IGSF21: variants seen among roughly 807,000 people sequenced by gnomAD.
IGSF21 encodes the protein immunoglobulin superfamily member 21.
In IGSF21, 28 loss-of-function variants were observed where a neutral mutation model predicts 46.8. The ratio of observed to expected loss-of-function variants is 0.60; its 90% CI spans 0.44 to 0.82. IGSF21 has a LOEUF of 0.82. Among genes scored for constraint, IGSF21 ranks in the 40% least tolerant of loss-of-function variants. The pLI, the probability that IGSF21 is intolerant of heterozygous loss-of-function variation, is 0.00. For synonymous variants in IGSF21, 284 were observed against 273.6 expected (o/e 1.04, Z -0.38); for missense variants, 624 against 665.5 (o/e 0.94, Z 0.69).
intron 3 of IGSF21, among the ~76,000 whole-genome samples, chr1:18,312,698 T>C (rs897853309): frequency 1.3e-5 from 2 of 152,260 alleles, no homozygotes; most frequent in African/African-American, 2.4e-5. Flanking sequence ...TTTGTGATTA[T>C]ATTAGATCCT....
At chr1:18,119,562 G>A (rs1482257885) in intron 1 of IGSF21, among the ~76,000 whole-genome samples, 1 of 152,220 alleles carries the variant, frequency 6.6e-6, no homozygotes, top group Non-Finnish European at 1.5e-5. Context: ...AAGTAACAAG[G>A]AATCATAGCA....
At chr1:18,298,652 G>A (rs1456753974) in intron 3 of IGSF21, among the ~76,000 whole-genome samples, 2 of 152,236 alleles carry the variant, frequency 1.3e-5, no homozygotes, top group Non-Finnish European at 2.9e-5. Context: ...ATGAAAAAAA[G>A]AGGCTGAGAA....
At chr1:18,282,072 G>A (rs1051923118) in intron 2 of IGSF21, among the ~76,000 whole-genome samples, 1 of 152,142 alleles carries the variant, frequency 6.6e-6, no homozygotes, top group African/African-American at 2.4e-5. Context: ...AGTCAAGGGC[G>A]CTCCTGCTCT....
At chr1:18,198,295 G>A (rs1452880147) in intron 1 of IGSF21, among the ~76,000 whole-genome samples, 1 of 152,146 alleles carries the variant, frequency 6.6e-6, no homozygotes, top group Non-Finnish European at 1.5e-5. Flanking sequence ...AGTAGGACCT[G>A]CCCAAGTCAT....
Position 18,285,771 on chromosome 1 carries a change from C to T in IGSF21, c.184-6095C>T, listed in dbSNP as rs144422552. Reference sequence around the variant, plus strand: ...CCCACCCTGACCAACCTCCCTACTTCGGACTTAAGAAAAATACGCAATAGC... The same window carrying T: ...CCCACCCTGACCAACCTCCCTACTTTGGACTTAAGAAAAATACGCAATAGC... On this transcript the variant is annotated intron_variant, in intron 2 of 9. Transcript: ENST00000251296. Among the ~76,000 whole-genome samples, 6 of 152,250 alleles carry T rather than the reference C, an allele frequency of 3.9e-5. 1 individual carries two copies. Among genetic ancestry groups the T allele is most frequent in the African/African-American group, 7.2e-5 (3 of 41,542 alleles).
chr1:18,184,225 A>G (rs2086882132), intron 1 of IGSF21, among the ~76,000 whole-genome samples: 1 of 152,140 alleles, frequency 6.6e-6, no homozygotes, highest in Non-Finnish European at 1.5e-5. Flanking sequence ...CAGAGTGAGC[A>G]CTTATGTCCA....
In IGSF21 at chr1:18,108,175, C is replaced by T; in HGVS notation, c.47C>T (p.Ala16Val). The change falls in exon 1 of 10, where the codon GCC becomes GTC. Residue 16 changes from alanine to valine, a missense_variant. Coordinates refer to ENST00000251296, the MANE Select transcript of IGSF21 (RefSeq NM_032880.5). ...CGCCGCTGCGTCTGCCTGCTGCTCG[C>T]CGCGATCCTGGACCTGGCGCGCGGT... Reference protein sequence around the residue: ...SLRRCVCLLLAAILDLARGYL... With the variant: ...SLRRCVCLLLVAILDLARGYL... The T allele has an allele frequency of 6.9e-7, 1 of 1,448,940 alleles. No individual in the cohort carries two copies. The highest frequency in any genetic ancestry group is 9.1e-7 in the Non-Finnish European group (1 of 1,104,266). 89.8% of individuals were successfully genotyped at this position (1,448,940 alleles called of 1,614,324 possible).
intron 3 of IGSF21, among the ~76,000 whole-genome samples, chr1:18,316,232 G>A (rs931486971): frequency 6.6e-6 from 1 of 152,202 alleles, no homozygotes; most frequent in African/African-American, 2.4e-5. Flanking sequence ...TTTGGGCCCT[G>A]TCAGAGCAGA....
Position 18,278,280 on chromosome 1 carries a change from C to A in IGSF21, c.184-13586C>A, listed in dbSNP as rs560160719. 2.0e-5 allele frequency among the ~76,000 whole-genome samples: 3 copies of A among 151,830 alleles called. No homozygotes were observed. In the South Asian group the frequency reaches 6.2e-4, roughly 32 times the overall value. ...TTTGAGACAGAGTCTCACTCTGTTG[C>A]CCAGGCTGGAGGGCAGTGGCGCGAT... On this transcript the variant is annotated intron_variant, in intron 2 of 9. Transcript: ENST00000251296.
intron 1 of IGSF21, among the ~76,000 whole-genome samples, chr1:18,220,549 G>A (rs2084499978): frequency 6.6e-6 from 1 of 152,018 alleles, no homozygotes; most frequent in African/African-American, 2.4e-5. Context: ...GCTGTTCTAG[G>A]CACCTGGGGA....
rs77700250 is a variant in IGSF21 at position 18,241,685 on chromosome 1, C to T, written c.183+13675C>T. 9.3e-4 allele frequency among the ~76,000 whole-genome samples: 141 copies of T among 152,286 alleles called. 1 individual carries two copies. In the East Asian group the frequency reaches 0.025, roughly 27 times the overall value. Reference sequence around the variant, plus strand: ...TGGCAGGTAAGACAAGCCTTCCTCCCATCTCCCTCATATCATCATGAATGC... The same window carrying T: ...TGGCAGGTAAGACAAGCCTTCCTCCTATCTCCCTCATATCATCATGAATGC... On this transcript the variant is annotated intron_variant, in intron 2 of 9. Transcript: ENST00000251296.
chr1:18,170,199 G>A (rs1168242575), intron 1 of IGSF21, among the ~76,000 whole-genome samples: 2 of 152,178 alleles, frequency 1.3e-5, no homozygotes, highest in East Asian at 3.9e-4. Context: ...CCTGTGCCAG[G>A]ATTAAAGGAT....
chr1:18,362,096 G>A lies in IGSF21; in HGVS notation c.425-19G>A, dbSNP rs369003968. Reference sequence around the variant, plus strand: ...CTCCCAGTTGAGCCCTTGTCTTCCTGTGCTTCCTTTTGGGGCAGCTCCTCC... The same window carrying A: ...CTCCCAGTTGAGCCCTTGTCTTCCTATGCTTCCTTTTGGGGCAGCTCCTCC... On this transcript the variant is annotated intron_variant, in intron 4 of 9. Transcript: ENST00000251296. 3 of 1,552,922 alleles carry A rather than the reference G, an allele frequency of 1.9e-6. No individual in the cohort carries two copies. Among genetic ancestry groups the A allele is most frequent in the African/African-American group, 1.4e-5 (1 of 73,810 alleles).
intron 1 of IGSF21, among the ~76,000 whole-genome samples, chr1:18,156,255 CAGGGAAGGA>C (rs1406229630): frequency 1.3e-5 from 2 of 152,282 alleles, no homozygotes; most frequent in South Asian, 4.1e-4. Flanking sequence ...AGGTGGTCAT[CAGGGAAGGA>C]AGGAAACCAG....
At chr1:18,110,672 TG>T (rs1166338447) in intron 1 of IGSF21, 4 of 152,338 alleles carry the variant, frequency 2.6e-5, no homozygotes, top group Non-Finnish European at 5.9e-5. Context: ...GTCCTTGCCC[TG>T]GCTCCCCACT....
chr1:18,196,176 G>A (rs960826959), intron 1 of IGSF21, among the ~76,000 whole-genome samples: 1 of 152,194 alleles, frequency 6.6e-6, no homozygotes, highest in African/African-American at 2.4e-5. Flanking sequence ...GGCTGAATGT[G>A]GTCGGATCTC....
intron 1 of IGSF21, among the ~76,000 whole-genome samples, chr1:18,149,670 C>A (rs1026560613): frequency 6.6e-6 from 1 of 151,926 alleles, no homozygotes; most frequent in Non-Finnish European, 1.5e-5. Flanking sequence ...TTGTGGAAAT[C>A]CTGGGTGTTT....
chr1:18,260,353 C>A (rs971722421), intron 2 of IGSF21, among the ~76,000 whole-genome samples: 1 of 152,194 alleles, frequency 6.6e-6, no homozygotes, highest in Non-Finnish European at 1.5e-5. Context: ...GGGGGAGCCC[C>A]AAAATTGGAG....
intron 4 of IGSF21, among the ~76,000 whole-genome samples, chr1:18,356,026 G>T (rs987726916): frequency 6.6e-6 from 1 of 151,872 alleles, no homozygotes; most frequent in East Asian, 1.9e-4. Flanking sequence ...GTAGAGAGAC[G>T]GTTTCTCCAT....
Sources: gnomAD v4.1 joint callset for allele counts (sites outside exome capture counted in the v4.1 genomes callset) on GRCh38, gnomAD v4.1.1 for gene constraint, MANE v1.5 for transcripts, NCBI Gene and HGNC (gene_info 2026-07-23, HGNC 2026-07-21) for gene names.